The following EPB41L4A variants were observed in gnomAD, a reference collection of about 807,000 sequenced individuals.
EPB41L4A encodes the protein erythrocyte membrane protein band 4.1 like 4A.
Under a neutral mutation model 108.6 loss-of-function variants are expected in EPB41L4A, and 100 were observed. The ratio of observed to expected loss-of-function variants is 0.92; its 90% CI spans 0.78 to 1.09. The LOEUF (loss-of-function observed/expected upper bound fraction) is 1.09, where lower values mean the gene tolerates loss of function less well. Ranked by LOEUF, EPB41L4A falls within the 50% of genes least tolerant of loss-of-function variation. The pLI, the probability that EPB41L4A is intolerant of heterozygous loss-of-function variation, is 0.00. For missense variants in EPB41L4A, 1,030 were observed against 842.7 expected, an observed-to-expected ratio of 1.22 and a Z score of -2.75; for synonymous variants, 319 against 289.0, an observed-to-expected ratio of 1.10 and a Z score of -1.05.
At chr5:112,186,172 C>T (rs1353787233) in intron 17 of EPB41L4A, among the ~76,000 whole-genome samples, 3 of 152,102 alleles carry the variant, frequency 2.0e-5, no homozygotes, top group African/African-American at 4.8e-5. Context: ...ATGGGCAGAA[C>T]GAAATTTTAC....
At chr5:112,382,974 G>T (rs1240937105) in intron 1 of EPB41L4A, among the ~76,000 whole-genome samples, 1 of 152,216 alleles carries the variant, frequency 6.6e-6, no homozygotes, top group Non-Finnish European at 1.5e-5. Flanking sequence ...CAAACAAGTT[G>T]TAAGAAGCCA....
intron 9 of EPB41L4A, among the ~76,000 whole-genome samples, chr5:112,250,200 G>T (rs1468716272): frequency 2.0e-5 from 3 of 152,072 alleles, no homozygotes; most frequent in Non-Finnish European, 4.4e-5. Flanking sequence ...CAGCTATGTG[G>T]GTTATATTTC....
At chr5:112,397,169 A>AT (rs1370849241) in intron 1 of EPB41L4A, among the ~76,000 whole-genome samples, 1 of 152,160 alleles carries the variant, frequency 6.6e-6, no homozygotes, top group Non-Finnish European at 1.5e-5. Flanking sequence ...GCTCCCACTT[A>AT]TAAGTGAGAA....
At chr5:112,411,326 A>G (rs1327411631) in intron 1 of EPB41L4A, among the ~76,000 whole-genome samples, 4 of 152,196 alleles carry the variant, frequency 2.6e-5, no homozygotes, top group African/African-American at 9.6e-5. Context: ...TTTCTCCTAC[A>G]GACAGATCTG....
intron 1 of EPB41L4A, among the ~76,000 whole-genome samples, chr5:112,308,224 C>T (rs1754819597): frequency 6.6e-6 from 1 of 152,118 alleles, no homozygotes; most frequent in Non-Finnish European, 1.5e-5. Context: ...ATAGATACAG[C>T]CTCTTCCTTT....
chr5:112,151,785 CA>C (rs545748015), intron 12 of EPB41L4A, among the ~76,000 whole-genome samples: 17 of 151,840 alleles, frequency 1.1e-4, no homozygotes, highest in Non-Finnish European at 1.9e-4. Context: ...AACTGGAGTG[CA>C]ATGGCACGAT....
At chr5:112,294,697 C>T (rs1753881867) in intron 2 of EPB41L4A, among the ~76,000 whole-genome samples, 1 of 151,832 alleles carries the variant, frequency 6.6e-6, no homozygotes, top group Non-Finnish European at 1.5e-5. Context: ...CCCCCCGAGA[C>T]ACTATGGTAC....
At chr5:112,320,870 T>A (rs976027500) in intron 1 of EPB41L4A, among the ~76,000 whole-genome samples, 2 of 152,164 alleles carry the variant, frequency 1.3e-5, no homozygotes, top group African/African-American at 4.8e-5. Flanking sequence ...CTTACAGGTG[T>A]CTTCCACTCC....
At chr5:112,230,879 G>A (rs1340798714) in intron 12 of EPB41L4A, among the ~76,000 whole-genome samples, 6 of 152,062 alleles carry the variant, frequency 3.9e-5, no homozygotes, top group African/African-American at 7.2e-5. Context: ...ACCAAGATTG[G>A]ACCACTGCAC....
At chr5:112,252,993 G>T (rs1444962584) in intron 9 of EPB41L4A, among the ~76,000 whole-genome samples, 1 of 152,166 alleles carries the variant, frequency 6.6e-6, no homozygotes, top group African/African-American at 2.4e-5. Flanking sequence ...AATGTGGAGG[G>T]AGTACAGAGC....
At chr5:112,195,382 AAT>A (rs1463038257) in intron 16 of EPB41L4A, among the ~76,000 whole-genome samples, 2 of 151,854 alleles carry the variant, frequency 1.3e-5, no homozygotes, top group Admixed American at 6.6e-5. Flanking sequence ...ATACTAGATA[AAT>A]AGAGTTGTTG....
chr5:112,232,604 T>C (rs1168420237), intron 12 of EPB41L4A, among the ~76,000 whole-genome samples: 2 of 152,294 alleles, frequency 1.3e-5, no homozygotes, highest in South Asian at 2.1e-4. Context: ...AATGGTAAAA[T>C]AAACTCATAC....
intron 9 of EPB41L4A, among the ~76,000 whole-genome samples, chr5:112,252,176 C>T (rs1036804433): frequency 6.6e-6 from 1 of 152,212 alleles, no homozygotes; most frequent in South Asian, 2.1e-4. Context: ...GCTGTGAACT[C>T]CTGATTTCTA....
chr5:112,372,330 A>C (rs943065624), intron 1 of EPB41L4A, among the ~76,000 whole-genome samples: 1 of 152,214 alleles, frequency 6.6e-6, no homozygotes, highest in Non-Finnish European at 1.5e-5. Flanking sequence ...TCATGAGAAC[A>C]GCATAGGGAA....
Position 112,207,229 on chromosome 5 carries a change from G to C in EPB41L4A, c.1179-1725C>G, listed in dbSNP as rs573557100. 2.4e-4 allele frequency among the ~76,000 whole-genome samples: 37 copies of C among 152,306 alleles called. 1 individual carries two copies. The South Asian group carries it at 7.0e-3, about 29-fold the overall frequency. On this transcript the variant is annotated intron_variant, in intron 13 of 22. Transcript: ENST00000261486. ...GTGCTGGGATGGCCAGTCATATGCA[G>C]AAGAGTGAAACTGGACCTCTTCCTT... is the stretch of plus-strand genomic sequence containing the variant.
At chr5:112,382,850 G>A (rs1760260682) in intron 1 of EPB41L4A, among the ~76,000 whole-genome samples, 2 of 152,120 alleles carry the variant, frequency 1.3e-5, no homozygotes, top group Non-Finnish European at 2.9e-5. Context: ...CTCTTACTGG[G>A]CAATCACTGC....
chr5:112,222,062 C>T lies in EPB41L4A; in HGVS notation c.1088-12080G>A, dbSNP rs112112175. ...CTTGCAATTAACAGTTACTGCCTTT[C>T]CCCCTCTCTCTTGGCTAGGTAAGAT... On this transcript the variant is annotated intron_variant, in intron 12 of 22. Transcript: ENST00000261486. Among the ~76,000 whole-genome samples the T allele has an allele frequency of 9.0e-4, 137 of 152,296 alleles. 1 individual carries two copies. Among genetic ancestry groups the T allele is most frequent in the African/African-American group, 3.0e-3 (126 of 41,564 alleles).
At chr5:112,335,040 A>ATC (rs1413204997) in intron 1 of EPB41L4A, among the ~76,000 whole-genome samples, 2 of 152,142 alleles carry the variant, frequency 1.3e-5, no homozygotes, top group Non-Finnish European at 2.9e-5. Flanking sequence ...TCGTGAAGTC[A>ATC]ATATGGCCCA....
intron 2 of EPB41L4A, among the ~76,000 whole-genome samples, chr5:112,297,072 T>C (rs1487768704): frequency 1.3e-5 from 2 of 152,108 alleles, no homozygotes; most frequent in Non-Finnish European, 2.9e-5. Context: ...TTCCACATTT[T>C]TGCAATTGTG....
Sources: allele counts gnomAD v4.1 joint callset (sites outside exome capture counted in the v4.1 genomes callset), GRCh38; gene constraint gnomAD v4.1.1; transcripts MANE v1.5; gene names NCBI Gene and HGNC (gene_info 2026-07-23, HGNC 2026-07-21).